ANO5: variants seen among roughly 807,000 people sequenced by gnomAD.
The protein encoded by ANO5 is anoctamin 5.
ANO5 carries 109 observed loss-of-function variants against 121.0 expected under a neutral mutation model. The ratio of observed to expected loss-of-function variants is 0.90; its 90% confidence interval spans 0.77 to 1.06. The LOEUF is 1.06. Among genes scored for constraint, ANO5 ranks in the 50% least tolerant of loss-of-function variants. The pLI, the probability that ANO5 is intolerant of heterozygous loss-of-function variation, is 0.00. For missense variants in ANO5, 1,064 were observed against 1,078.5 expected (o/e 0.99, Z 0.19); for synonymous variants, 406 against 359.9 (o/e 1.13, Z -1.45).
intron 2 of ANO5, among the ~76,000 whole-genome samples, chr11:22,210,313 C>G (rs1021841246): frequency 6.6e-6 from 1 of 151,884 alleles, no homozygotes; most frequent in Non-Finnish European, 1.5e-5. Flanking sequence ...AGAGAAATTA[C>G]TGCTTTTGTG....
intron 21 of ANO5, among the ~76,000 whole-genome samples, chr11:22,278,954 T>A (rs1433343370): frequency 1.3e-5 from 2 of 151,690 alleles, no homozygotes; most frequent in Non-Finnish European, 3.0e-5. Flanking sequence ...CTTTGTGGTA[T>A]AATTTCTGCA....
In ANO5 at chr11:22,237,722, C is replaced by T. The variant is rs75085843; in HGVS notation, c.762+1446C>T. Among the ~76,000 whole-genome samples the T allele has an allele frequency of 2.1e-3, 317 of 152,036 alleles. 5 individuals carry two copies. The East Asian group carries it at 0.046, about 22-fold the overall frequency. On this transcript the variant is annotated intron_variant, in intron 8 of 21. Coordinates refer to ENST00000324559, the MANE Select transcript of ANO5 (RefSeq NM_213599.3). ...GTAGAGGAAATTTTCCAAAATGAGTCGCCATTTTCAACAGGAGTGTCAATT... is the reference window on the plus strand; with the variant it reads ...GTAGAGGAAATTTTCCAAAATGAGTTGCCATTTTCAACAGGAGTGTCAATT...
intron 1 of ANO5, among the ~76,000 whole-genome samples, chr11:22,196,845 G>A (rs1026692376): frequency 6.6e-6 from 1 of 151,910 alleles, no homozygotes; most frequent in African/African-American, 2.4e-5. Flanking sequence ...CTCTAGCCTG[G>A]TGACAGAGTG....
upstream of ANO5, among the ~76,000 whole-genome samples, chr11:22,192,488 G>A (rs966251402): frequency 4.6e-5 from 7 of 152,146 alleles, no homozygotes; most frequent in African/African-American, 1.4e-4. Flanking sequence ...TCCCGCTCCA[G>A]ACGCTATGGG....
At chr11:22,246,856 C>CAAAAAAAAAAAAAAAAAAAAAAAAAAAA in intron 9 of ANO5, among the ~76,000 whole-genome samples, 1 of 62,212 alleles carries the variant, frequency 1.6e-5, no homozygotes, top group Non-Finnish European at 3.5e-5. Flanking sequence ...GACCCTGTTT[C>CAAAAAAAAAAAAAAAAAAAAAAAAAAAA]AAAAAAAAAA....
intron 2 of ANO5, among the ~76,000 whole-genome samples, chr11:22,207,322 G>A (rs558535610): frequency 6.6e-6 from 1 of 152,102 alleles, no homozygotes; most frequent in Non-Finnish European, 1.5e-5. Context: ...AATGAAGACT[G>A]TGTGATATTT....
chr11:22,264,093 G>A (rs900772294), intron 17 of ANO5, among the ~76,000 whole-genome samples: 4 of 140,526 alleles, frequency 2.8e-5, no homozygotes, highest in East Asian at 4.2e-4. Context: ...GCGCAATCTC[G>A]GCTCACTGCA....
intron 18 of ANO5, 58 bp downstream of exon 18, chr11:22,270,500 C>T (rs1308969387): frequency 1.7e-5 from 28 of 1,601,388 alleles, no homozygotes; most frequent in Middle Eastern, 1.7e-4. Context: ...GGTTTTTCAG[C>T]TCCAGATACT....
intron 2 of ANO5, among the ~76,000 whole-genome samples, chr11:22,209,784 A>T (rs990946389): frequency 6.6e-6 from 1 of 151,968 alleles, no homozygotes; most frequent in African/African-American, 2.4e-5. Context: ...ATTGGAAATC[A>T]GAGCAAAGAT....
At chr11:22,222,909 C>A (rs1431416729) in intron 5 of ANO5, among the ~76,000 whole-genome samples, 2 of 151,906 alleles carry the variant, frequency 1.3e-5, no homozygotes, top group African/African-American at 2.4e-5. Context: ...CTTTTTCTTT[C>A]CTCACACCTC....
rs1487877257 is a variant in ANO5 at position 22,280,464 on chromosome 11, T to C, written c.*699T>C. On this transcript the variant is annotated 3_prime_UTR_variant, in exon 22 of 22. Coordinates refer to ENST00000324559, the MANE Select transcript of ANO5 (RefSeq NM_213599.3). ...AATTTGGTTATAATAGTTTCAAGAC[T>C]GATCTTATCTGGAAAGCAACATTAT... The C allele has an allele frequency of 6.6e-6, 1 of 151,942 alleles. No individual in the cohort carries two copies. Among genetic ancestry groups the C allele is most frequent in the African/African-American group, 2.4e-5 (1 of 41,436 alleles). 9.4% of individuals were successfully genotyped at this position (151,942 alleles called of 1,614,324 possible). A position where few individuals can be genotyped will look rare whatever the true frequency, so the allele number is the denominator to read the frequency against.
chr11:22,195,741 C>G (rs899472302), intron 1 of ANO5, among the ~76,000 whole-genome samples: 1 of 152,090 alleles, frequency 6.6e-6, no homozygotes, highest in Non-Finnish European at 1.5e-5. Context: ...CACACTCCCC[C>G]ATTTTAAAAA....
chr11:22,267,454 C>T (rs1259675582), intron 17 of ANO5, among the ~76,000 whole-genome samples: 1 of 150,142 alleles, frequency 6.7e-6, no homozygotes, highest in African/African-American at 2.5e-5. Context: ...ATATTATCTA[C>T]AATACTTTTT....
intron 7 of ANO5, among the ~76,000 whole-genome samples, chr11:22,231,627 C>T (rs1853044667): frequency 6.6e-6 from 1 of 151,794 alleles, no homozygotes; most frequent in African/African-American, 2.4e-5. Flanking sequence ...TTGTTTCCAA[C>T]TTTTCTGATA....
At chr11:22,263,444 TTA>T (rs1854262791) in intron 17 of ANO5, among the ~76,000 whole-genome samples, 1 of 152,182 alleles carries the variant, frequency 6.6e-6, no homozygotes, top group Non-Finnish European at 1.5e-5. Context: ...TTTCTGAATA[TTA>T]CTAAAAGGTG....
chr11:22,211,408 A>T, intron 3 of ANO5, 94 bp downstream of exon 3: 1 of 1,363,684 alleles, frequency 7.3e-7, no homozygotes, highest in South Asian at 1.2e-5. Flanking sequence ...CAGTTCAGTT[A>T]TTTGACATGC....
intron 17 of ANO5, among the ~76,000 whole-genome samples, chr11:22,269,568 A>G (rs2133775464): frequency 6.8e-6 from 1 of 146,794 alleles, no homozygotes; most frequent in South Asian, 2.2e-4. Flanking sequence ...AAAGAAAAGG[A>G]AAGAAAAAAA....
intron 18 of ANO5, among the ~76,000 whole-genome samples, chr11:22,271,989 A>C (rs1854633160): frequency 6.6e-6 from 1 of 152,296 alleles, no homozygotes; most frequent in Non-Finnish European, 1.5e-5. Context: ...TATTTGAGAT[A>C]TATTTAAAAA....
At chr11:22,215,909 T>C (rs1338615437) in intron 3 of ANO5, among the ~76,000 whole-genome samples, 2 of 151,932 alleles carry the variant, frequency 1.3e-5, no homozygotes, top group African/African-American at 4.8e-5. Flanking sequence ...ATTTTGTATA[T>C]GGCTTCTTGC....
Sources: allele counts gnomAD v4.1 joint callset (sites outside exome capture counted in the v4.1 genomes callset), GRCh38; gene constraint gnomAD v4.1.1; transcripts MANE v1.5; gene names NCBI Gene and HGNC (gene_info 2026-07-23, HGNC 2026-07-21).